Variants in RAP1A observed in about 807,000 individuals in gnomAD.
RAP1A encodes ras-related protein Rap-1A.
In RAP1A, 6 loss-of-function variants were observed where a neutral mutation model predicts 26.4. That is an observed-to-expected ratio of 0.23 (90% CI 0.12 to 0.45). The LOEUF (loss-of-function observed/expected upper bound fraction) is 0.45. Among genes scored for constraint, RAP1A ranks in the 20% least tolerant of loss-of-function variants. The pLI is 0.99. For synonymous variants in RAP1A, 73 were observed against 79.4 expected (o/e 0.92, Z 0.43); for missense variants, 121 against 217.2 (o/e 0.56, Z 2.78).
intron 1 of RAP1A, among the ~76,000 whole-genome samples, chr1:111,602,563 T>A (rs907106576): frequency 1.1e-4 from 17 of 152,174 alleles, no homozygotes; most frequent in Admixed American, 1.1e-3. Context: ...GGTTTATTTT[T>A]CTCCCACTTT....
intron 1 of RAP1A, among the ~76,000 whole-genome samples, chr1:111,593,471 G>A (rs1188465922): frequency 6.6e-6 from 1 of 151,992 alleles, no homozygotes; most frequent in Non-Finnish European, 1.5e-5. Context: ...ATCTTGAAGT[G>A]TAGTGGTGGA....
chr1:111,688,873 C>T (rs1176513231), intron 1 of RAP1A, among the ~76,000 whole-genome samples: 2 of 139,072 alleles, frequency 1.4e-5, no homozygotes, highest in African/African-American at 2.6e-5. Context: ...CTCACTCTAT[C>T]GCCCAGGCAG....
chr1:111,600,567 A>T (rs1359227945), intron 1 of RAP1A, among the ~76,000 whole-genome samples: 1 of 152,164 alleles, frequency 6.6e-6, no homozygotes, highest in Non-Finnish European at 1.5e-5. Context: ...AGAGAGCATC[A>T]AGAGCAGGAG....
chr1:111,685,437 AAC>A (rs1661440069), intron 1 of RAP1A, among the ~76,000 whole-genome samples: 2 of 149,648 alleles, frequency 1.3e-5, no homozygotes, highest in Admixed American at 1.3e-4. Context: ...AAAAAAAAGA[AAC>A]AACCTCATCA....
intron 1 of RAP1A, among the ~76,000 whole-genome samples, chr1:111,572,502 A>G (rs1436250328): frequency 6.6e-6 from 1 of 152,166 alleles, no homozygotes; most frequent in African/African-American, 2.4e-5. Context: ...TTCACTTCTC[A>G]TCTTTGGAGG....
At chr1:111,564,980 A>G (rs1657884505) in intron 1 of RAP1A, among the ~76,000 whole-genome samples, 1 of 152,202 alleles carries the variant, frequency 6.6e-6, no homozygotes, top group African/African-American at 2.4e-5. Flanking sequence ...TGAAAAATAA[A>G]CTTAGGAAAT....
chr1:111,677,133 C>T (rs1661152926), intron 1 of RAP1A, among the ~76,000 whole-genome samples: 1 of 152,160 alleles, frequency 6.6e-6, no homozygotes, highest in Admixed American at 6.6e-5. Context: ...CAGAATATTA[C>T]TCTTTGTGTC....
At chr1:111,612,793 G>A (rs1480747488) in intron 1 of RAP1A, among the ~76,000 whole-genome samples, 1 of 152,080 alleles carries the variant, frequency 6.6e-6, no homozygotes, top group Non-Finnish European at 1.5e-5. Flanking sequence ...ATTTCAAACA[G>A]CCTGAATTTC....
At chr1:111,709,408 C>T in intron 7 of RAP1A, 144 bp downstream of exon 7, 1 of 956,022 alleles carries the variant, frequency 1.0e-6, no homozygotes, top group Non-Finnish European at 1.4e-6. Flanking sequence ...GTAGGTACGT[C>T]ATCTGTTGGA....
At chr1:111,676,863 A>T (rs1344902329) in intron 1 of RAP1A, among the ~76,000 whole-genome samples, 3 of 151,472 alleles carry the variant, frequency 2.0e-5, no homozygotes, top group Non-Finnish European at 4.4e-5. Flanking sequence ...GTACAATCTC[A>T]ACTCACTGTA....
chr1:111,642,916 T>C (rs1333987159), intron 1 of RAP1A, among the ~76,000 whole-genome samples: 3 of 151,440 alleles, frequency 2.0e-5, no homozygotes, highest in Non-Finnish European at 4.4e-5. Context: ...ACTACAGGTG[T>C]GCGCCACCAC....
intron 1 of RAP1A, among the ~76,000 whole-genome samples, chr1:111,638,584 C>T (rs1659795776): frequency 6.6e-6 from 1 of 152,154 alleles, no homozygotes; most frequent in Non-Finnish European, 1.5e-5. Context: ...GCCAACATGC[C>T]TGGCTAACTT....
intron 1 of RAP1A, chr1:111,563,819 G>A: frequency 6.3e-7 from 1 of 1,585,382 alleles, no homozygotes; most frequent in Non-Finnish European, 8.6e-7. Context: ...CTGCCTCCCA[G>A]CAGCTATATT....
intron 1 of RAP1A, among the ~76,000 whole-genome samples, chr1:111,621,652 T>C (rs777902722): frequency 2.0e-5 from 3 of 152,226 alleles, no homozygotes; most frequent in Non-Finnish European, 4.4e-5. Context: ...GTTTGTAAGA[T>C]AGTAATTCTT....
chr1:111,704,267 A>G, intron 5 of RAP1A, 76 bp from the exon 6 acceptor site: 1 of 1,466,532 alleles, frequency 6.8e-7, no homozygotes, highest in Non-Finnish European at 9.3e-7. Flanking sequence ...GGTGGCAGAT[A>G]ATTGCTTATT....
intron 1 of RAP1A, among the ~76,000 whole-genome samples, chr1:111,668,077 G>A (rs1238368580): frequency 6.6e-6 from 1 of 152,192 alleles, no homozygotes; most frequent in Non-Finnish European, 1.5e-5. Context: ...GGTGGTGCAG[G>A]TTTGGGGGTT....
intron 2 of RAP1A, among the ~76,000 whole-genome samples, chr1:111,691,906 G>T (rs1661681030): frequency 6.6e-6 from 1 of 152,180 alleles, no homozygotes; most frequent in African/African-American, 2.4e-5. Context: ...TATGGAGCTT[G>T]CATTATAGTG....
intron 1 of RAP1A, among the ~76,000 whole-genome samples, chr1:111,678,674 GTTA>G (rs1213514675): frequency 6.6e-6 from 1 of 151,886 alleles, no homozygotes; most frequent in Non-Finnish European, 1.5e-5. Flanking sequence ...CAGTAAAAAT[GTTA>G]TTATAATCTA....
At chr1:111,634,842 A>C (rs887550692) in intron 1 of RAP1A, among the ~76,000 whole-genome samples, 18 of 151,848 alleles carry the variant, frequency 1.2e-4, no homozygotes, top group Non-Finnish European at 2.2e-4. Flanking sequence ...ACGGGGTTTC[A>C]CCATGTTGGC....
Sources: gnomAD v4.1 joint callset for allele counts (sites outside exome capture counted in the v4.1 genomes callset) on GRCh38, gnomAD v4.1.1 for gene constraint, MANE v1.5 for transcripts, NCBI Gene and HGNC (gene_info 2026-07-23, HGNC 2026-07-21) for gene names.